Variants in DNAJA3 observed in about 807,000 individuals in gnomAD.
DNAJA3 encodes DnaJ heat shock protein family (Hsp40) member A3, also known as dnaJ homolog subfamily A member 3, mitochondrial.
Under a neutral mutation model 54.9 loss-of-function variants are expected in DNAJA3, and 29 were observed. That is an observed-to-expected ratio of 0.53 (90% CI 0.39 to 0.72). The LOEUF is 0.72. Ranked by LOEUF, DNAJA3 falls within the 30% of genes least tolerant of loss-of-function variation. The pLI, the probability that DNAJA3 is intolerant of heterozygous loss-of-function variation, is 0.00. For synonymous variants in DNAJA3, 302 were observed against 251.4 expected (o/e 1.20, Z -1.90); for missense variants, 708 against 639.4 (o/e 1.11, Z -1.16).
intron 10 of DNAJA3, among the ~76,000 whole-genome samples, chr16:4,453,767 T>C (rs1360110488): frequency 6.6e-6 from 1 of 152,204 alleles, no homozygotes; most frequent in Non-Finnish European, 1.5e-5. Context: ...CTCTGTTTTA[T>C]GTAGCCTCCC....
At chr16:4,447,144 C>A in intron 8 of DNAJA3, 130 bp downstream of exon 8, 3 of 1,134,514 alleles carry the variant, frequency 2.6e-6, no homozygotes, top group Non-Finnish European at 3.7e-6. Flanking sequence ...CAGGGGAGGA[C>A]ATGAGGAATT....
Position 4,446,966 on chromosome 16 carries a change from TG to T in DNAJA3, c.1082del (p.Gly361ValfsTer14). The T allele has an allele frequency of 6.2e-7, 1 of 1,614,098 alleles. No homozygotes were observed. The highest frequency in any genetic ancestry group is 8.5e-7 in the Non-Finnish European group (1 of 1,179,992). On this transcript the variant is annotated frameshift_variant, in exon 8 of 12. Transcript: ENST00000262375. LOFTEE classifies it high-confidence loss of function. Reference sequence around the variant, plus strand: ...TTATTTCTATAGCTCAGGCTCTTCTTGGGGGTACAGCCAGAGCCCAGGGCCT... The same window carrying T: ...TTATTTCTATAGCTCAGGCTCTTCTTGGGGTACAGCCAGAGCCCAGGGCCT... Reference protein sequence around the residue: ...LFISIAQALLGGTARAQGLYE... With the variant: ...LFISIAQALLXGTARAQGLYE...
chr16:4,454,845 G>A lies in DNAJA3; in HGVS notation c.1374G>A (p.Lys458=). The A allele has an allele frequency of 6.2e-7, 1 of 1,614,128 alleles. No individual in the cohort carries two copies. The highest frequency in any genetic ancestry group is 8.5e-7 in the Non-Finnish European group (1 of 1,179,990). Residue 458 remains lysine, a synonymous_variant, in exon 11 of 12, where the codon AAG becomes AAA. Coordinates refer to ENST00000262375, the MANE Select transcript of DNAJA3 (RefSeq NM_005147.6). ...CCATGGATAGCTCCGCAGGAAGCAAGGCTAGGCGTGAGGCTGGGGAGGACG... is the reference window on the plus strand; with the variant it reads ...CCATGGATAGCTCCGCAGGAAGCAAAGCTAGGCGTGAGGCTGGGGAGGACG... ...GSTMDSSAGS[K]ARREAGEDEE... is the part of the protein sequence containing the mutation.
chr16:4,448,682 TA>T (rs2056936566), intron 8 of DNAJA3, 50 bp from the exon 9 acceptor site: 1 of 1,377,566 alleles, frequency 7.3e-7, no homozygotes, highest in Non-Finnish European at 1.0e-6. Flanking sequence ...GAAAACTTTT[TA>T]TTTGAGCAAC....
rs190597437 is a variant in DNAJA3 at position 4,429,420 on chromosome 16, C to T, written c.211+3328C>T. ...TGTATTTTTAGCAGATACTGGATTT[C>T]ACCATATTGGCCAGGATGGTCTCGA... On this transcript the variant is annotated intron_variant, in intron 1 of 11. Transcript: ENST00000262375. Among the ~76,000 whole-genome samples the T allele has an allele frequency of 3.9e-5, 6 of 152,120 alleles. No homozygotes were observed. In the East Asian group the frequency reaches 9.7e-4, roughly 25 times the overall value.
chr16:4,437,308 G>T, intron 2 of DNAJA3, 94 bp from the exon 3 acceptor site: 3 of 1,020,070 alleles, frequency 2.9e-6, no homozygotes, highest in African/African-American at 3.2e-5. Flanking sequence ...AATTATGACT[G>T]GTATTTGGGG....
At chr16:4,454,358 C>G (rs985901069) in intron 10 of DNAJA3, among the ~76,000 whole-genome samples, 7 of 152,160 alleles carry the variant, frequency 4.6e-5, no homozygotes, top group Admixed American at 1.3e-4. Flanking sequence ...CGCACTCAGT[C>G]CTCCCTCCCG....
chr16:4,425,888 G>C lies in DNAJA3; in HGVS notation c.7G>C (p.Ala3Pro). 1 of 1,534,068 alleles carries C rather than the reference G, an allele frequency of 6.5e-7. No individual in the cohort carries two copies. The highest frequency in any genetic ancestry group is 1.2e-5 in the South Asian group (1 of 83,416). MA[A>P]RCSTRWLLVV... ...GCAGAGTCCCCGGGCCAAGATGGCTGCGCGGTGCTCCACACGCTGGTTGCT... is the reference window on the plus strand; with the variant it reads ...GCAGAGTCCCCGGGCCAAGATGGCTCCGCGGTGCTCCACACGCTGGTTGCT... Residue 3 changes from alanine (A) to proline (P), a missense_variant, in exon 1 of 12, where the codon GCG becomes CCG. Physicochemically the swap from Ala to Pro is conservative, Grantham distance 27. Transcript: ENST00000262375.
rs554003684 is a variant in DNAJA3, at chr16:4,442,294, A to G, written c.657A>G (p.Gln219=). The G allele has an allele frequency of 2.9e-5, 46 of 1,598,964 alleles. No individual in the cohort carries two copies. The Middle Eastern group carries it at 5.0e-4, about 17-fold the overall frequency. Residue 219 remains glutamine, a synonymous_variant, in exon 5 of 12, where the codon CAA becomes CAG. Coordinates refer to ENST00000262375, the MANE Select transcript of DNAJA3 (RefSeq NM_005147.6). ...ACTTCATGGAGTTGACATTCAATCA[A>G]GCTGCAAAGGGGGTCAACAAGGAGT... ...QEYFMELTFN[Q]AAKGVNKEFT...
intron 1 of DNAJA3, among the ~76,000 whole-genome samples, chr16:4,427,974 C>G (rs970534753): frequency 6.6e-6 from 1 of 151,006 alleles, no homozygotes; most frequent in Non-Finnish European, 1.5e-5. Context: ...TTTTTTGAGA[C>G]GGAGTCTCGC....
At chr16:4,447,135 A>G (rs1279237148) in intron 8 of DNAJA3, 121 bp downstream of exon 8, 2 of 1,207,600 alleles carry the variant, frequency 1.7e-6, no homozygotes, top group Non-Finnish European at 2.3e-6. Flanking sequence ...GGGCACTCAC[A>G]GGGGAGGACA....
Position 4,434,614 on chromosome 16 carries a change from T to C in DNAJA3, c.345+97T>C, listed in dbSNP as rs917039979. On this transcript the variant is annotated intron_variant, in intron 2 of 11. Coordinates refer to ENST00000262375, the MANE Select transcript of DNAJA3 (RefSeq NM_005147.6). ...AGTACAGCGTATGTGCCCATATGAA[T>C]AGGTCTCATGAGCTGATAGTATAGA... is the stretch of plus-strand genomic sequence containing the variant. The C allele has an allele frequency of 5.1e-6, 7 of 1,376,174 alleles. No homozygotes were observed. The East Asian group carries it at 1.6e-4, about 32-fold the overall frequency. 85.2% of individuals were successfully genotyped at this position (1,376,174 alleles called of 1,614,324 possible). A position where few individuals can be genotyped will look rare whatever the true frequency, so the allele number is the denominator to read the frequency against.
At chr16:4,452,351 G>A (rs2056988690) in intron 10 of DNAJA3, among the ~76,000 whole-genome samples, 1 of 152,084 alleles carries the variant, frequency 6.6e-6, no homozygotes, top group Non-Finnish European at 1.5e-5. Flanking sequence ...GCCCATCAGG[G>A]TAGCTTGAGG....
chr16:4,450,526 A>C, intron 10 of DNAJA3, 29 bp downstream of exon 10: 1 of 1,558,706 alleles, frequency 6.4e-7, no homozygotes, highest in Non-Finnish European at 8.7e-7. Flanking sequence ...ACATGGTGAC[A>C]CGTGGGGGCC....
Position 4,426,342 on chromosome 16 carries a change from T to C in DNAJA3, c.211+250T>C, listed in dbSNP as rs546482117. On this transcript the variant is annotated intron_variant, in intron 1 of 11. Transcript: ENST00000262375. ...GCCCCGTAGATCGTGAACCTTCACC[T>C]CTCTGTCAACATTTCTGGAGGCCGC... Among the ~76,000 whole-genome samples the C allele has an allele frequency of 1.7e-4, 26 of 152,310 alleles. No homozygotes were observed. The South Asian group carries it at 5.4e-3, about 32-fold the overall frequency.
chr16:4,442,713 A>C (rs1471633528), intron 5 of DNAJA3: 4 of 515,554 alleles, frequency 7.8e-6, no homozygotes, highest in Non-Finnish European at 1.4e-5. Context: ...AAGGGGAAAT[A>C]ATCTTTTTTA....
chr16:4,448,594 G>A (rs995516921), intron 8 of DNAJA3, 139 bp from the exon 9 acceptor site: 22 of 642,022 alleles, frequency 3.4e-5, no homozygotes, highest in South Asian at 9.6e-5. Context: ...AGCCTGCCTC[G>A]ACCTCCCAAA....
chr16:4,455,432 G>A (rs1484756951), intron 11 of DNAJA3, 114 bp from the exon 12 acceptor site: 3 of 1,296,746 alleles, frequency 2.3e-6, no homozygotes, highest in East Asian at 2.5e-5. Flanking sequence ...AGCAAGTGGG[G>A]TTCTCGCCCC....
chr16:4,437,637 AAAAG>A lies in DNAJA3; in HGVS notation c.429+154_429+157del, dbSNP rs370368342. On this transcript the variant is annotated intron_variant, in intron 3 of 11. Coordinates refer to ENST00000262375, the MANE Select transcript of DNAJA3 (RefSeq NM_005147.6). ...GTAATCTTGTTAAGAAAAATAAAAAAAAAGAGATTCCAGGCCAAGCATGGTGGCT... is the reference window on the plus strand; with the variant it reads ...GTAATCTTGTTAAGAAAAATAAAAAAAGATTCCAGGCCAAGCATGGTGGCT... 1.6e-4 allele frequency: 104 copies of A among 638,246 alleles called. 1 individual carries two copies. In the African/African-American group the frequency reaches 1.7e-3, roughly 11 times the overall value. The allele number at this position is 638,246 out of a possible 1,614,324, so 39.5% of individuals were successfully genotyped here.
Sources: allele counts gnomAD v4.1 joint callset (sites outside exome capture counted in the v4.1 genomes callset), GRCh38; gene constraint gnomAD v4.1.1; transcripts MANE v1.5; gene names NCBI Gene and HGNC (gene_info 2026-07-23, HGNC 2026-07-21).